HDAC9: variants seen among roughly 807,000 people sequenced by gnomAD.
HDAC9 encodes MEF-2 interacting transcription repressor (MITR) protein.
A neutral mutation model predicts 139.4 loss-of-function variants in HDAC9; 41 were observed. That is an observed-to-expected ratio of 0.29 (90% confidence interval 0.23 to 0.38). The LOEUF (loss-of-function observed/expected upper bound fraction) is 0.38. HDAC9 is among the 10% of genes least tolerant of loss of function. The probability of loss-of-function intolerance (pLI) is 1.00; values close to 1 mark genes in which losing one functional copy is unlikely to be tolerated. For synonymous variants in HDAC9, 517 were observed against 476.2 expected, an observed-to-expected ratio of 1.09 and a Z score of -1.12; for missense variants, 1,147 against 1,297.0, an observed-to-expected ratio of 0.88 and a Z score of 1.78.
chr7:18,211,805 A>T (rs571203355), intron 2 of HDAC9, among the ~76,000 whole-genome samples: 2 of 152,142 alleles, frequency 1.3e-5, no homozygotes, highest in South Asian at 4.1e-4. Flanking sequence ...ATGTGGAGGG[A>T]GTGAGAAAAG....
intron 23 of HDAC9, 61 bp downstream of exon 23, chr7:18,936,003 T>C: frequency 6.6e-7 from 1 of 1,510,754 alleles, no homozygotes; most frequent in Non-Finnish European, 9.0e-7. Flanking sequence ...GCATGCATAT[T>C]TTTAAACTAA....
intron 17 of HDAC9, among the ~76,000 whole-genome samples, chr7:18,795,279 A>G (rs992494899): frequency 3.3e-5 from 5 of 150,420 alleles, no homozygotes; most frequent in Non-Finnish European, 7.4e-5. Flanking sequence ...AAAAAAAAAA[A>G]AAAAAAGAAA....
At chr7:18,365,744 A>G (rs985436295) in intron 1 of HDAC9, among the ~76,000 whole-genome samples, 1 of 152,078 alleles carries the variant, frequency 6.6e-6, no homozygotes, top group Non-Finnish European at 1.5e-5. Context: ...TGAACATCAC[A>G]TCTACTACTT....
intron 2 of HDAC9, among the ~76,000 whole-genome samples, chr7:18,258,863 A>T (rs980047668): frequency 2.7e-5 from 4 of 150,802 alleles, no homozygotes; most frequent in African/African-American, 4.9e-5. Flanking sequence ...CATCTCCTGG[A>T]GCAAGTGCTG....
intron 1 of HDAC9, among the ~76,000 whole-genome samples, chr7:18,319,218 C>G (rs1449194612): frequency 6.6e-6 from 1 of 152,190 alleles, no homozygotes; most frequent in Non-Finnish European, 1.5e-5. Context: ...AGAGTAGTTT[C>G]TGTTGCTGGT....
At chr7:18,195,902 T>A (rs1790696196) in intron 2 of HDAC9, among the ~76,000 whole-genome samples, 1 of 152,160 alleles carries the variant, frequency 6.6e-6, no homozygotes, top group African/African-American at 2.4e-5. Context: ...AATTGGTTAT[T>A]CTCAATACTT....
intron 1 of HDAC9, among the ~76,000 whole-genome samples, chr7:18,140,773 A>AAT (rs964380177): frequency 2.3e-4 from 35 of 151,388 alleles, no homozygotes; most frequent in South Asian, 4.2e-4. Context: ...ATATACACTG[A>AAT]ATATATATAT....
intron 21 of HDAC9, among the ~76,000 whole-genome samples, chr7:18,839,603 G>C (rs949515162): frequency 4.6e-5 from 7 of 152,068 alleles, no homozygotes; most frequent in Admixed American, 6.6e-5. Context: ...GTCAAGCTCA[G>C]GTATTAAGCG....
intron 1 of HDAC9, among the ~76,000 whole-genome samples, chr7:18,391,070 T>C (rs1896451): frequency 0.33 from 50,839 of 151,812 alleles, 9,186 homozygotes; most frequent in East Asian, 0.46. Flanking sequence ...GCCTGGGCAA[T>C]AGAGTGAGAC....
At chr7:18,445,552 A>G (rs983892846) in intron 1 of HDAC9, among the ~76,000 whole-genome samples, 8 of 152,210 alleles carry the variant, frequency 5.3e-5, no homozygotes, top group African/African-American at 1.7e-4. Flanking sequence ...TGAAAGAATT[A>G]CCTGTGATAT....
intron 1 of HDAC9, among the ~76,000 whole-genome samples, chr7:18,130,790 G>T (rs2128101433): frequency 6.6e-6 from 1 of 151,956 alleles, no homozygotes; most frequent in South Asian, 2.1e-4. Flanking sequence ...ATTTTCTATT[G>T]CATGTTCATC....
At chr7:18,842,425 C>A (rs771714584) in intron 21 of HDAC9, among the ~76,000 whole-genome samples, 1 of 151,990 alleles carries the variant, frequency 6.6e-6, no homozygotes, top group Admixed American at 6.6e-5. Flanking sequence ...ACTTGTCAAT[C>A]AATCTTAGTA....
chr7:18,300,309 C>G lies in HDAC9; in HGVS notation c.-42+9794C>G, dbSNP rs147821296. ...AGCCAAAAGATTGGACGCTCCTGCT[C>G]TAGATATACTGACTTTTCCAAGGAA... is the stretch of plus-strand genomic sequence containing the variant. On this transcript the variant is annotated intron_variant, in intron 1 of 3. Coordinates refer to the HDAC9 transcript ENST00000413509. Among the ~76,000 whole-genome samples, 1,219 of 152,096 alleles carry G rather than the reference C, an allele frequency of 8.0e-3. 10 individuals are homozygous for G. Among genetic ancestry groups the G allele is most frequent in the African/African-American group, 0.028 (1,159 of 41,488 alleles).
At chr7:18,454,151 G>T (rs1375357684) in intron 1 of HDAC9, among the ~76,000 whole-genome samples, 1 of 151,960 alleles carries the variant, frequency 6.6e-6, no homozygotes, top group African/African-American at 2.4e-5. Flanking sequence ...AAAGATCTAG[G>T]AATTGTCCGA....
At chr7:18,834,166 A>G (rs992654956) in intron 19 of HDAC9, among the ~76,000 whole-genome samples, 2 of 152,202 alleles carry the variant, frequency 1.3e-5, no homozygotes, top group African/African-American at 2.4e-5. Context: ...AATTGTAGAA[A>G]TCATTGTTGA....
chr7:18,975,417 A>G (rs1439697313), intron 24 of HDAC9, among the ~76,000 whole-genome samples: 2 of 152,202 alleles, frequency 1.3e-5, no homozygotes, highest in African/African-American at 4.8e-5. Flanking sequence ...GCAATGTTTA[A>G]CAGTACGATT....
intron 2 of HDAC9, among the ~76,000 whole-genome samples, chr7:18,204,440 A>G (rs1791355342): frequency 6.6e-6 from 1 of 150,380 alleles, no homozygotes; most frequent in South Asian, 2.1e-4. Flanking sequence ...TGTAGATTTT[A>G]ACAAATGGCT....
rs112009686 is a variant in HDAC9 at position 18,589,268 on chromosome 7, G to A, written c.265-1068G>A. On this transcript the variant is annotated intron_variant, in intron 3 of 25. Transcript: ENST00000686413. The stretch of plus-strand genomic sequence containing the variant: ...AGGCTGGGCAAGGTGGCTCACACCC[G>A]TAATCCCGGCAGTTAGAGAGGCCAA... 3.2e-3 allele frequency among the ~76,000 whole-genome samples: 482 copies of A among 152,292 alleles called. 4 individuals carry two copies. The highest frequency in any genetic ancestry group is 0.01 in the African/African-American group (436 of 41,566).
rs535552533 is a variant in HDAC9, at chr7:18,973,869, T to C, written c.3023-1937T>C. Among the ~76,000 whole-genome samples, 13 of 152,318 alleles carry C rather than the reference T, an allele frequency of 8.5e-5. No individual in the cohort carries two copies. The South Asian group carries it at 2.3e-3, about 27-fold the overall frequency. ...ATTGGTCTTCCTGCCCCCACTGTTA[T>C]CACCTTCCAATCCATCACCCATAAT... On this transcript the variant is annotated intron_variant, in intron 24 of 25. Transcript: ENST00000686413.
Sources: allele counts gnomAD v4.1 joint callset (sites outside exome capture counted in the v4.1 genomes callset), GRCh38; gene constraint gnomAD v4.1.1; transcripts MANE v1.5; gene names NCBI Gene and HGNC (gene_info 2026-07-23, HGNC 2026-07-21).